The following FBXO4 variants were observed in gnomAD, a reference collection of about 807,000 sequenced individuals.
FBXO4 encodes F-box protein 4.
FBXO4 carries 36 observed loss-of-function variants against 43.7 expected under a neutral mutation model. The ratio of observed to expected loss-of-function variants is 0.82; its 90% confidence interval spans 0.63 to 1.09. The LOEUF (loss-of-function observed/expected upper bound fraction) is 1.09, where lower values mean the gene tolerates loss of function less well. FBXO4 is among the 50% of genes least tolerant of loss of function. The pLI, the probability that FBXO4 is intolerant of heterozygous loss-of-function variation, is 0.00. For missense variants in FBXO4, 435 were observed against 474.1 expected (o/e 0.92, Z 0.77); for synonymous variants, 180 against 165.6 (o/e 1.09, Z -0.67).
chr5:42,012,220 G>A, the FBXO4 span, among the ~76,000 whole-genome samples: 1 of 152,160 alleles, frequency 6.6e-6, no homozygotes, highest in Non-Finnish European at 1.5e-5. Context: ...TTACCAGGTG[G>A]TCTGCACAAC....
At chr5:42,015,173 A>G in the FBXO4 span, among the ~76,000 whole-genome samples, 1 of 152,348 alleles carries the variant, frequency 6.6e-6, no homozygotes, top group Non-Finnish European at 1.5e-5. Context: ...CACAACAATT[A>G]TAAACAATTT....
At chr5:41,927,772 C>T (rs1472704330) in intron 2 of FBXO4, among the ~76,000 whole-genome samples, 1 of 152,092 alleles carries the variant, frequency 6.6e-6, no homozygotes, top group Non-Finnish European at 1.5e-5. Flanking sequence ...CTCATTTAAT[C>T]CTCATGCAAC....
the FBXO4 span, among the ~76,000 whole-genome samples, chr5:41,963,063 G>A: frequency 1.3e-5 from 2 of 151,852 alleles, no homozygotes; most frequent in Non-Finnish European, 2.9e-5. Flanking sequence ...ATATTATCTG[G>A]CTGGTTACTG....
chr5:41,931,317 T>C (rs1751681075), intron 3 of FBXO4, among the ~76,000 whole-genome samples: 1 of 152,212 alleles, frequency 6.6e-6, no homozygotes, highest in African/African-American at 2.4e-5. Flanking sequence ...ATAAATGTAT[T>C]AGCAGTAATA....
At chr5:42,033,551 C>T in the FBXO4 span, among the ~76,000 whole-genome samples, 2 of 152,212 alleles carry the variant, frequency 1.3e-5, no homozygotes, top group Admixed American at 1.3e-4. Context: ...CCTCGCCTCC[C>T]ACCCCTCAAC....
At chr5:41,981,606 G>A in the FBXO4 span, among the ~76,000 whole-genome samples, 1 of 151,696 alleles carries the variant, frequency 6.6e-6, no homozygotes, top group African/African-American at 2.4e-5. Flanking sequence ...TCAATTATTT[G>A]CCAGAAATCT....
chr5:42,030,868 C>T, the FBXO4 span, among the ~76,000 whole-genome samples: 1 of 152,164 alleles, frequency 6.6e-6, no homozygotes, highest in Non-Finnish European at 1.5e-5. Flanking sequence ...TCCTCATTGT[C>T]ACTGGCCATC....
At chr5:41,936,056 T>C (rs964773770) in intron 5 of FBXO4, among the ~76,000 whole-genome samples, 2 of 152,266 alleles carry the variant, frequency 1.3e-5, no homozygotes, top group Non-Finnish European at 2.9e-5. Context: ...CGAAGTATGA[T>C]GCCTGTTTTT....
intron 5 of FBXO4, among the ~76,000 whole-genome samples, chr5:41,937,985 A>G (rs6871525): frequency 6.6e-6 from 1 of 152,152 alleles, no homozygotes; most frequent in African/African-American, 2.4e-5. Flanking sequence ...TGAACATAGC[A>G]CTGAGAAAAT....
chr5:42,017,558 A>G, the FBXO4 span, among the ~76,000 whole-genome samples: 2 of 151,596 alleles, frequency 1.3e-5, no homozygotes, highest in Non-Finnish European at 2.9e-5. Context: ...ATCAAGCATA[A>G]TATCCAACAC....
the FBXO4 span, among the ~76,000 whole-genome samples, chr5:42,017,931 T>C: frequency 1.5e-4 from 23 of 152,030 alleles, no homozygotes; most frequent in Non-Finnish European, 2.6e-4. Context: ...TTTTGGTAGA[T>C]GATTTGTTTT....
the FBXO4 span, among the ~76,000 whole-genome samples, chr5:41,983,973 C>T: frequency 6.6e-6 from 1 of 152,042 alleles, no homozygotes; most frequent in East Asian, 1.9e-4. Context: ...GTTTATCATA[C>T]CTCTGCCTAT....
At chr5:41,988,976 C>T in the FBXO4 span, among the ~76,000 whole-genome samples, 2 of 152,124 alleles carry the variant, frequency 1.3e-5, no homozygotes, top group Non-Finnish European at 2.9e-5. Flanking sequence ...CACTTTCCTT[C>T]TAAGGCGCAT....
At chr5:42,030,393 T>A in the FBXO4 span, among the ~76,000 whole-genome samples, 1,922 of 151,336 alleles carry the variant, frequency 0.013, 74 homozygotes, top group East Asian at 0.088. Flanking sequence ...CTGGGAAAAC[T>A]GGCTAGCCAT....
chr5:41,962,798 T>A, the FBXO4 span, among the ~76,000 whole-genome samples: 1 of 152,158 alleles, frequency 6.6e-6, no homozygotes, highest in African/African-American at 2.4e-5. Flanking sequence ...AGTGGCATAC[T>A]CTCTGTTCTG....
At chr5:41,930,585 G>A (rs1751655926) in intron 3 of FBXO4, among the ~76,000 whole-genome samples, 1 of 152,126 alleles carries the variant, frequency 6.6e-6, no homozygotes, top group Admixed American at 6.5e-5. Flanking sequence ...GAGTCACTAG[G>A]GTGAATAGTT....
the FBXO4 span, among the ~76,000 whole-genome samples, chr5:42,029,547 C>T: frequency 6.6e-6 from 1 of 151,956 alleles, no homozygotes; most frequent in Non-Finnish European, 1.5e-5. Context: ...TATCTCTTTT[C>T]CTACCATGTA....
intron 2 of FBXO4, among the ~76,000 whole-genome samples, chr5:41,929,312 A>G (rs1420602233): frequency 6.6e-6 from 1 of 152,200 alleles, no homozygotes; most frequent in Non-Finnish European, 1.5e-5. Context: ...GTGACAATAA[A>G]CTTGTTGTTC....
chr5:42,034,142 G>A, the FBXO4 span, among the ~76,000 whole-genome samples: 1 of 151,126 alleles, frequency 6.6e-6, no homozygotes, highest in South Asian at 2.1e-4. Context: ...TTTCATGTTT[G>A]TTGGCTGCAT....
Sources: gnomAD v4.1 joint callset for allele counts (sites outside exome capture counted in the v4.1 genomes callset) on GRCh38, gnomAD v4.1.1 for gene constraint, MANE v1.5 for transcripts, NCBI Gene and HGNC (gene_info 2026-07-23, HGNC 2026-07-21) for gene names.